Variants in ANKDD1B observed in about 807,000 individuals in gnomAD.
ANKDD1B encodes ankyrin repeat and death domain containing 1B, also known as ankyrin repeat and death domain-containing protein 1B.
In ANKDD1B, 57 loss-of-function variants were observed where a neutral mutation model predicts 59.7. The ratio of observed to expected loss-of-function variants is 0.95; its 90% CI spans 0.77 to 1.19. The LOEUF (loss-of-function observed/expected upper bound fraction) is 1.19, where lower values mean the gene tolerates loss of function less well. Among genes scored for constraint, ANKDD1B ranks in the 50% most tolerant of loss-of-function variants. The probability of loss-of-function intolerance (pLI) is 0.00; values close to 1 mark genes in which losing one functional copy is unlikely to be tolerated. For missense variants in ANKDD1B, 602 were observed against 641.9 expected, an observed-to-expected ratio of 0.94 and a Z score of 0.67; for synonymous variants, 216 against 239.5, an observed-to-expected ratio of 0.90 and a Z score of 0.91.
Position 75,671,007 on chromosome 5 carries a change from T to TTG in ANKDD1B, c.1554_1555insTG (p.Asp519TrpfsTer9), listed in dbSNP as rs1775464776. Reference sequence around the variant, plus strand: ...AGACTCGTCATTTCAAAAGCAAAACTGACTCAAACTCCAAGAAATGTGTAG... The same window carrying TTG: ...AGACTCGTCATTTCAAAAGCAAAACTTGGACTCAAACTCCAAGAAATGTGTAG... On this transcript the variant is annotated frameshift_variant, in exon 14 of 14. Coordinates refer to ENST00000601380, the MANE Select transcript of ANKDD1B (RefSeq NM_001276713.2). LOFTEE classifies it high-confidence loss of function. 8.1e-7 allele frequency: 1 copy of TTG among 1,230,202 alleles called. No individual in the cohort carries two copies. Among genetic ancestry groups the TTG allele is most frequent in the Non-Finnish European group, 1.0e-6 (1 of 986,412 alleles). The allele number at this position is 1,230,202 out of a possible 1,614,324, so 76.2% of individuals were successfully genotyped here.
At chr5:75,660,483 C>T (rs1775105162) in intron 10 of ANKDD1B, among the ~76,000 whole-genome samples, 1 of 152,194 alleles carries the variant, frequency 6.6e-6, no homozygotes, top group South Asian at 2.1e-4. Flanking sequence ...ACATTTTGTT[C>T]ATTCATTCAT....
chr5:75,627,298 T>A (rs1158139136), intron 5 of ANKDD1B, among the ~76,000 whole-genome samples: 2 of 152,196 alleles, frequency 1.3e-5, no homozygotes, highest in South Asian at 2.1e-4. Flanking sequence ...AATTTTTTTT[T>A]AAATCAGCAA....
intron 7 of ANKDD1B, among the ~76,000 whole-genome samples, chr5:75,652,846 C>T (rs905443986): frequency 1.6e-4 from 24 of 152,158 alleles, no homozygotes; most frequent in African/African-American, 5.6e-4. Context: ...TTACCCAAAC[C>T]TAGATGGTAC....
intron 3 of ANKDD1B, 121 bp from the exon 4 acceptor site, chr5:75,625,526 T>G: frequency 2.7e-6 from 2 of 739,410 alleles, no homozygotes; most frequent in Non-Finnish European, 4.4e-6. Flanking sequence ...TTGCTGCATA[T>G]TAAATTCTCT....
Position 75,611,528 on chromosome 5 carries a change from C to G in ANKDD1B, c.-107C>G, listed in dbSNP as rs1321511611. 10 of 932,140 alleles carry G rather than the reference C, an allele frequency of 1.1e-5. No homozygotes were observed. The highest frequency in any genetic ancestry group is 1.7e-5 in the African/African-American group (1 of 58,360). 57.7% of individuals were successfully genotyped at this position (932,140 alleles called of 1,614,324 possible). ...GCCGGGCTGACCTGCCTGCGTCCAGCCCCCGCGCCCTGGGCCTGCCTGGGT... is the reference window on the plus strand; with the variant it reads ...GCCGGGCTGACCTGCCTGCGTCCAGGCCCCGCGCCCTGGGCCTGCCTGGGT... On this transcript the variant is annotated 5_prime_UTR_variant, in exon 1 of 14. Coordinates refer to ENST00000601380, the MANE Select transcript of ANKDD1B (RefSeq NM_001276713.2).
At chr5:75,642,466 G>C (rs575344069) in intron 7 of ANKDD1B, among the ~76,000 whole-genome samples, 1 of 137,936 alleles carries the variant, frequency 7.2e-6, no homozygotes, top group African/African-American at 2.9e-5. Context: ...TTCCCTTTCC[G>C]AGTCAAAGAA....
chr5:75,612,321 CCCCCCCGCCCTCCGCCCCG>C (rs1171012287), intron 1 of ANKDD1B, among the ~76,000 whole-genome samples: 41 of 99,350 alleles, frequency 4.1e-4, no homozygotes, highest in Non-Finnish European at 7.7e-4. Context: ...TGCCCCCGCC[CCCCCCCGCCCTCCGCCCCG>C]CCCCCGCCCT....
At chr5:75,670,048 G>T (rs115006924) in intron 13 of ANKDD1B, among the ~76,000 whole-genome samples, 2 of 152,158 alleles carry the variant, frequency 1.3e-5, no homozygotes, top group African/African-American at 4.8e-5. Flanking sequence ...AGTGAACACC[G>T]ACTGATCCAA....
intron 9 of ANKDD1B, among the ~76,000 whole-genome samples, chr5:75,658,672 T>C (rs929866781): frequency 6.6e-6 from 1 of 152,198 alleles, no homozygotes; most frequent in Non-Finnish European, 1.5e-5. Context: ...TTTCTCTATG[T>C]GTATTTTTCA....
intron 7 of ANKDD1B, among the ~76,000 whole-genome samples, chr5:75,640,906 C>G (rs1382096443): frequency 6.6e-6 from 1 of 152,160 alleles, no homozygotes; most frequent in Non-Finnish European, 1.5e-5. Flanking sequence ...TCTTTCTATT[C>G]TTTTGGGGAA....
intron 13 of ANKDD1B, 90 bp from the exon 14 acceptor site, chr5:75,670,889 G>T: frequency 2.3e-6 from 1 of 438,806 alleles, no homozygotes; most frequent in Non-Finnish European, 3.8e-6. Flanking sequence ...TCAAAGGGCT[G>T]TTGTGGGATT....
At chr5:75,616,205 T>C (rs1011816672) in intron 1 of ANKDD1B, among the ~76,000 whole-genome samples, 4 of 152,364 alleles carry the variant, frequency 2.6e-5, no homozygotes, top group South Asian at 4.1e-4. Flanking sequence ...TTCTCTGTGA[T>C]AGTTAATAAA....
chr5:75,635,928 G>C lies in ANKDD1B; in HGVS notation c.798+46G>C, dbSNP rs1020178903. The C allele has an allele frequency of 6.4e-6, 8 of 1,250,474 alleles. No homozygotes were observed. The Admixed American group carries it at 1.0e-4, about 16-fold the overall frequency. The allele number at this position is 1,250,474 out of a possible 1,614,324, so 77.5% of individuals were successfully genotyped here. A position where few individuals can be genotyped will look rare whatever the true frequency, so the allele number is the denominator to read the frequency against. ...TTGCCATAGGACTTAAATGTGGAAG[G>C]GTTGGAGGAATGGCTTTCAAGAAAA... On this transcript the variant is annotated intron_variant, in intron 7 of 13. Transcript: ENST00000601380.
rs1167192122 is a variant in ANKDD1B, at chr5:75,648,744, G to T, written c.799-4398G>T. On this transcript the variant is annotated intron_variant, in intron 7 of 13. Transcript: ENST00000601380. ...TCCAACCCAGTGAAAACCCTGGGGA[G>T]AAAAGCAGTGTGAAGCAAGAAGCCA... Among the ~76,000 whole-genome samples the T allele has an allele frequency of 3.9e-5, 6 of 152,186 alleles. No homozygotes were observed. The South Asian group carries it at 1.0e-3, about 26-fold the overall frequency.
At position 75,663,416 on chromosome 5, in the gene ANKDD1B, T is replaced by C. The variant is rs1775212458; in HGVS notation, c.1118T>C (p.Val373Ala). ...TAGCAAGGAAAGACTGCCCTGGCTG[T>C]GGCCTCCAGGAGCAACCATAGCCTT... ...VDKQGKTALA[V>A]ASRSNHSLVV... The change falls in exon 11 of 14, where the codon GTG (valine) becomes GCG (alanine). Residue 373 changes from valine to alanine, a missense_variant. Val to Ala is a moderately conservative substitution (Grantham distance 64). Around this residue, in one of 3 missense-constraint regions of ANKDD1B, gnomAD observed 280 missense variants for 319.8 expected, o/e 0.88. Transcript: ENST00000601380. The C allele has an allele frequency of 1.3e-6, 2 of 1,536,180 alleles. No individual in the cohort carries two copies. Among genetic ancestry groups the C allele is most frequent in the Non-Finnish European group, 1.7e-6 (2 of 1,146,902 alleles).
intron 7 of ANKDD1B, among the ~76,000 whole-genome samples, chr5:75,652,474 C>T (rs112446408): frequency 3.2e-4 from 49 of 152,270 alleles, no homozygotes; most frequent in African/African-American, 1.1e-3. Context: ...CTGGGTCTCA[C>T]TCTGTTGCCC....
At chr5:75,629,185 T>A (rs1326877343) in intron 5 of ANKDD1B, among the ~76,000 whole-genome samples, 1 of 152,202 alleles carries the variant, frequency 6.6e-6, no homozygotes, top group Non-Finnish European at 1.5e-5. Context: ...TCATCAAATC[T>A]ATTGTTTCCC....
chr5:75,616,979 TA>T, intron 2 of ANKDD1B, 72 bp downstream of exon 2: 1 of 648,056 alleles, frequency 1.5e-6, no homozygotes, highest in Non-Finnish European at 2.5e-6. Context: ...ACATCTGAAA[TA>T]ATAATAAAAA....
chr5:75,652,522 A>G (rs1001613798), intron 7 of ANKDD1B, among the ~76,000 whole-genome samples: 4 of 152,054 alleles, frequency 2.6e-5, no homozygotes, highest in Non-Finnish European at 4.4e-5. Context: ...GCTCACTGCA[A>G]TCTTTGCCTC....
Sources: gnomAD v4.1 joint callset for allele counts (sites outside exome capture counted in the v4.1 genomes callset) on GRCh38, gnomAD v4.1.1 for gene constraint, gnomAD v4.1.1 regional missense constraint, MANE v1.5 for transcripts, NCBI Gene and HGNC (gene_info 2026-07-23, HGNC 2026-07-21) for gene names.